The following SH2D4B variants were observed in gnomAD, a reference collection of about 807,000 sequenced individuals.
SH2D4B encodes SH2 domain containing 4B.
SH2D4B carries 45 observed loss-of-function variants against 61.5 expected under a neutral mutation model. The observed-to-expected ratio is 0.73, with a 90% CI of 0.58 to 0.94. The LOEUF is 0.94. SH2D4B is among the 40% of genes least tolerant of loss of function. SH2D4B has a pLI of 0.00. For synonymous variants in SH2D4B, 224 were observed against 220.4 expected (o/e 1.02, Z -0.14); for missense variants, 572 against 574.2 (o/e 1.00, Z 0.04).
intron 4 of SH2D4B, 151 bp from the exon 5 acceptor site, chr10:80,603,428 C>G: frequency 1.4e-6 from 1 of 693,414 alleles, no homozygotes; most frequent in Non-Finnish European, 2.4e-6. Context: ...CCTGAGGTTC[C>G]TGGACTATTA....
At chr10:80,610,937 G>T (rs766395772) in intron 6 of SH2D4B, among the ~76,000 whole-genome samples, 2 of 152,132 alleles carry the variant, frequency 1.3e-5, no homozygotes, top group African/African-American at 2.4e-5. Context: ...TTGGGAGGCT[G>T]AGGCAGGAGG....
chr10:80,584,965 T>C (rs1842226487), intron 3 of SH2D4B, among the ~76,000 whole-genome samples: 1 of 152,214 alleles, frequency 6.6e-6, no homozygotes, highest in Non-Finnish European at 1.5e-5. Context: ...CTCCAGGCAT[T>C]GGTTTAATTA....
intron 6 of SH2D4B, among the ~76,000 whole-genome samples, chr10:80,614,648 G>A (rs965679759): frequency 1.3e-5 from 2 of 152,260 alleles, no homozygotes; most frequent in Admixed American, 1.3e-4. Flanking sequence ...AGAATGGGGA[G>A]TGAGGGCCTT....
chr10:80,632,508 TC>T (rs1490340457), intron 6 of SH2D4B, among the ~76,000 whole-genome samples: 4 of 152,122 alleles, frequency 2.6e-5, no homozygotes, highest in Non-Finnish European at 5.9e-5. Flanking sequence ...AACACTCCCC[TC>T]CTCTCCAACC....
At chr10:80,608,466 A>G (rs1220503444) in intron 5 of SH2D4B, among the ~76,000 whole-genome samples, 1 of 152,146 alleles carries the variant, frequency 6.6e-6, no homozygotes, top group Non-Finnish European at 1.5e-5. Flanking sequence ...ATTGTACTTT[A>G]CCACACAGTT....
intron 3 of SH2D4B, among the ~76,000 whole-genome samples, chr10:80,575,489 A>C (rs4291622): frequency 0.015 from 2,230 of 152,062 alleles, 61 homozygotes; most frequent in African/African-American, 0.05. Flanking sequence ...GGCTGGGCAC[A>C]GTGGCTCACA....
intron 3 of SH2D4B, among the ~76,000 whole-genome samples, chr10:80,575,623 AC>A (rs1842115570): frequency 6.6e-6 from 1 of 152,108 alleles, no homozygotes; most frequent in Non-Finnish European, 1.5e-5. Flanking sequence ...AATACAAAAT[AC>A]TAAAAAATAC....
At chr10:80,636,967 A>C (rs1189927005) in intron 7 of SH2D4B, among the ~76,000 whole-genome samples, 2 of 152,166 alleles carry the variant, frequency 1.3e-5, no homozygotes, top group African/African-American at 2.4e-5. Flanking sequence ...ATTTTTGTAT[A>C]AGGTATAAGG....
chr10:80,595,673 C>T (rs1318848643), intron 4 of SH2D4B, among the ~76,000 whole-genome samples: 1 of 152,182 alleles, frequency 6.6e-6, no homozygotes, highest in African/African-American at 2.4e-5. Flanking sequence ...AGAGATTGTG[C>T]TATTCAGATA....
intron 6 of SH2D4B, among the ~76,000 whole-genome samples, chr10:80,614,631 A>C (rs547526137): frequency 7.2e-5 from 11 of 152,230 alleles, no homozygotes; most frequent in Admixed American, 2.0e-4. Flanking sequence ...TGGCTAGCGA[A>C]CCCCCCAGAA....
Position 80,571,514 on chromosome 10 carries a change from A to G in SH2D4B, c.431A>G (p.Lys144Arg). ...GCCCGGATCTTGGCGGAGAAGTGGA[A>G]AGTGGAGATGGAAGACCGCAAGGCT... is the stretch of plus-strand genomic sequence containing the variant. Reference protein sequence around the residue: ...EKARILAEKWKVEMEDRKAAK... With the variant: ...EKARILAEKWRVEMEDRKAAK... Residue 144 changes from lysine (K) to arginine (R), a missense_variant, in exon 3 of 8, where the codon AAA (lysine) becomes AGA (arginine). Transcript: ENST00000646907. 1 of 1,614,064 alleles carries G rather than the reference A, an allele frequency of 6.2e-7. No homozygotes were observed. The highest frequency in any genetic ancestry group is 8.5e-7 in the Non-Finnish European group (1 of 1,179,998).
chr10:80,545,836 C>T (rs559334228), intron 1 of SH2D4B, among the ~76,000 whole-genome samples: 1 of 152,234 alleles, frequency 6.6e-6, no homozygotes, highest in East Asian at 1.9e-4. Flanking sequence ...CTCCACCCCA[C>T]TACACATCAA....
intron 4 of SH2D4B, among the ~76,000 whole-genome samples, chr10:80,599,548 A>G (rs1467951166): frequency 6.6e-6 from 1 of 152,078 alleles, no homozygotes; most frequent in African/African-American, 2.4e-5. Context: ...ATGGGTGTGA[A>G]GTGCTCTGGT....
In SH2D4B at chr10:80,565,233, T is replaced by C. The variant is rs112541621; in HGVS notation, c.185-4921T>C. ...CTCAAATAGAGAACAACAGAGTCCT[T>C]CTCAGGCCATATTTAGTTTGCTTTC... is the stretch of plus-strand genomic sequence containing the variant. On this transcript the variant is annotated intron_variant, in intron 1 of 7. Coordinates refer to ENST00000646907, the MANE Select transcript of SH2D4B (RefSeq NM_001388272.1). Among the ~76,000 whole-genome samples, 1,190 of 152,258 alleles carry C rather than the reference T, an allele frequency of 7.8e-3. 18 individuals carry two copies. Among genetic ancestry groups the C allele is most frequent in the African/African-American group, 0.027 (1,138 of 41,542 alleles).
chr10:80,609,687 C>G, intron 6 of SH2D4B, 136 bp downstream of exon 6: 11 of 1,368,240 alleles, frequency 8.0e-6, no homozygotes, highest in South Asian at 1.3e-5. Context: ...TGTCCCTCTC[C>G]CAGTGGGAGT....
chr10:80,554,965 C>A (rs761483640), intron 1 of SH2D4B, among the ~76,000 whole-genome samples: 1 of 139,510 alleles, frequency 7.2e-6, no homozygotes, highest in African/African-American at 2.7e-5. Flanking sequence ...GCCGAGATTG[C>A]GCCACTGCAC....
chr10:80,595,791 C>T (rs1221908134), intron 4 of SH2D4B, among the ~76,000 whole-genome samples: 2 of 152,194 alleles, frequency 1.3e-5, no homozygotes, highest in Non-Finnish European at 2.9e-5. Flanking sequence ...TTCAATCCCT[C>T]CTTAATAGCG....
At chr10:80,544,149 C>G (rs1236461505) in intron 1 of SH2D4B, among the ~76,000 whole-genome samples, 1 of 152,108 alleles carries the variant, frequency 6.6e-6, no homozygotes, top group East Asian at 1.9e-4. Context: ...CCTTTATGAG[C>G]TGTAACAGTC....
At chr10:80,583,848 A>T (rs7092045) in intron 3 of SH2D4B, among the ~76,000 whole-genome samples, 40,999 of 152,048 alleles carry the variant, frequency 0.27, 6,482 homozygotes, top group African/African-American at 0.43. Flanking sequence ...AAGATAAGAG[A>T]CTACAGACTG....
Sources: gnomAD v4.1 joint callset for allele counts (sites outside exome capture counted in the v4.1 genomes callset) on GRCh38, gnomAD v4.1.1 for gene constraint, MANE v1.5 for transcripts, NCBI Gene and HGNC (gene_info 2026-07-23, HGNC 2026-07-21) for gene names.